The following KCND2 variants were observed in gnomAD, a reference collection of about 807,000 sequenced individuals.
KCND2 encodes the protein A-type voltage-gated potassium channel KCND2.
KCND2 carries 16 observed loss-of-function variants against 54.4 expected under a neutral mutation model. The ratio of observed to expected loss-of-function variants is 0.29; its 90% confidence interval spans 0.20 to 0.45. The LOEUF is 0.45. Ranked by LOEUF, KCND2 falls within the 20% of genes least tolerant of loss-of-function variation. KCND2 has a pLI of 1.00. For missense variants in KCND2, 486 were observed against 824.2 expected (o/e 0.59, Z 5.02); for synonymous variants, 317 against 310.7 (o/e 1.02, Z -0.21).
chr7:120,293,818 CAT>C (rs1378254645), intron 1 of KCND2, among the ~76,000 whole-genome samples: 1 of 151,850 alleles, frequency 6.6e-6, no homozygotes, highest in Non-Finnish European at 1.5e-5. Context: ...GTCTCCCAAA[CAT>C]GTGCATTATC....
intron 1 of KCND2, among the ~76,000 whole-genome samples, chr7:120,502,424 A>G (rs1044048244): frequency 6.6e-6 from 1 of 151,992 alleles, no homozygotes; most frequent in Admixed American, 6.6e-5. Context: ...AGAAGGCTCT[A>G]TCTTCCCTAG....
intron 1 of KCND2, among the ~76,000 whole-genome samples, chr7:120,295,202 T>C (rs774950825): frequency 3.0e-4 from 46 of 152,056 alleles, no homozygotes; most frequent in Non-Finnish European, 6.2e-4. Context: ...TCTGTTTCAG[T>C]AGTTATTAGA....
At chr7:120,713,186 G>A (rs1792562709) in intron 1 of KCND2, among the ~76,000 whole-genome samples, 1 of 152,102 alleles carries the variant, frequency 6.6e-6, no homozygotes, top group African/African-American at 2.4e-5. Flanking sequence ...AGCCAAGGAG[G>A]ACTAAAGCTC....
intron 1 of KCND2, among the ~76,000 whole-genome samples, chr7:120,510,979 T>G (rs1350679741): frequency 6.7e-6 from 1 of 150,086 alleles, no homozygotes; most frequent in Admixed American, 6.7e-5. Context: ...CTGCATGGCC[T>G]CCCATGACTT....
chr7:120,525,750 A>G (rs558126328), intron 1 of KCND2, among the ~76,000 whole-genome samples: 16 of 152,318 alleles, frequency 1.1e-4, no homozygotes, highest in African/African-American at 3.8e-4. Context: ...TCATTTACTA[A>G]ATGAATTAAT....
intron 1 of KCND2, among the ~76,000 whole-genome samples, chr7:120,670,922 A>AG: frequency 6.6e-6 from 1 of 151,740 alleles, no homozygotes; most frequent in East Asian, 1.9e-4. Context: ...TCTCAAAAAA[A>AG]AAAAAAAAGA....
chr7:120,373,765 G>A (rs890494434), intron 1 of KCND2, among the ~76,000 whole-genome samples: 6 of 151,740 alleles, frequency 4.0e-5, no homozygotes, highest in Non-Finnish European at 7.4e-5. Context: ...AATTTATTTT[G>A]TGTATGGAGG....
intron 1 of KCND2, among the ~76,000 whole-genome samples, chr7:120,509,851 G>A (rs1803085090): frequency 6.6e-6 from 1 of 151,922 alleles, no homozygotes; most frequent in Admixed American, 6.6e-5. Flanking sequence ...CAATACCTAG[G>A]AATCAATGTT....
At chr7:120,483,850 G>A (rs538966158) in intron 1 of KCND2, among the ~76,000 whole-genome samples, 34 of 152,276 alleles carry the variant, frequency 2.2e-4, no homozygotes, top group African/African-American at 7.9e-4. Context: ...GTATAAAATT[G>A]TTTCTAGAAG....
chr7:120,569,964 C>CA (rs1460560603), intron 1 of KCND2, among the ~76,000 whole-genome samples: 1 of 151,912 alleles, frequency 6.6e-6, no homozygotes, highest in Non-Finnish European at 1.5e-5. Context: ...CAAAACAAAA[C>CA]AAAACAAAAC....
intron 1 of KCND2, among the ~76,000 whole-genome samples, chr7:120,334,349 A>G (rs966717355): frequency 2.5e-4 from 38 of 152,334 alleles, no homozygotes; most frequent in African/African-American, 7.7e-4. Flanking sequence ...GGACATTAAC[A>G]TCTCTTTAAC....
At chr7:120,364,030 G>T (rs751155790) in intron 1 of KCND2, among the ~76,000 whole-genome samples, 4 of 152,056 alleles carry the variant, frequency 2.6e-5, no homozygotes, top group Non-Finnish European at 4.4e-5. Flanking sequence ...CTCCACCTTT[G>T]TCTGTTTTGT....
chr7:120,326,655 AAAT>A (rs1799983351), intron 1 of KCND2, among the ~76,000 whole-genome samples: 1 of 152,144 alleles, frequency 6.6e-6, no homozygotes, highest in African/African-American at 2.4e-5. Flanking sequence ...AAAATGATCA[AAAT>A]AAATATTAAT....
chr7:120,670,509 A>C (rs369136303), intron 1 of KCND2, among the ~76,000 whole-genome samples: 6 of 152,084 alleles, frequency 3.9e-5, no homozygotes, highest in East Asian at 3.9e-4. Context: ...GCTGCTGTCC[A>C]GAGCCACCAC....
intron 1 of KCND2, among the ~76,000 whole-genome samples, chr7:120,398,780 A>G (rs905875424): frequency 3.9e-5 from 6 of 152,142 alleles, no homozygotes; most frequent in African/African-American, 1.2e-4. Context: ...AAGTTTTTCA[A>G]TAAAGGAGTG....
chr7:120,481,155 A>G (rs1261840298), intron 1 of KCND2, among the ~76,000 whole-genome samples: 2 of 152,218 alleles, frequency 1.3e-5, no homozygotes, highest in Non-Finnish European at 2.9e-5. Context: ...ACTGAAGTAA[A>G]AGCTATCCTT....
At chr7:120,284,887 T>A (rs1053703764) in intron 1 of KCND2, among the ~76,000 whole-genome samples, 1 of 152,170 alleles carries the variant, frequency 6.6e-6, no homozygotes, top group Non-Finnish European at 1.5e-5. Flanking sequence ...CAGAGCAGCA[T>A]CACCAAGCAG....
chr7:120,373,653 C>T (rs2116006513), intron 1 of KCND2, among the ~76,000 whole-genome samples: 1 of 151,942 alleles, frequency 6.6e-6, no homozygotes, highest in Non-Finnish European at 1.5e-5. Flanking sequence ...TATCTAATAC[C>T]TTTATAACTT....
chr7:120,716,188 C>A (rs1284720139), intron 1 of KCND2, among the ~76,000 whole-genome samples: 1 of 151,928 alleles, frequency 6.6e-6, no homozygotes, highest in Non-Finnish European at 1.5e-5. Flanking sequence ...AACTTTTTTC[C>A]ACATTTTATT....
Sources: gnomAD v4.1 joint callset for allele counts (sites outside exome capture counted in the v4.1 genomes callset) on GRCh38, gnomAD v4.1.1 for gene constraint, MANE v1.5 for transcripts, NCBI Gene and HGNC (gene_info 2026-07-23, HGNC 2026-07-21) for gene names.